PTPRT: variants seen among roughly 807,000 people sequenced by gnomAD.
PTPRT encodes the protein protein tyrosine phosphatase receptor type T.
In PTPRT, 56 loss-of-function variants were observed where a neutral mutation model predicts 176.8. That is an observed-to-expected ratio of 0.32 (90% CI 0.26 to 0.40). PTPRT has a LOEUF of 0.40. PTPRT is among the 10% of genes least tolerant of loss of function. The pLI is 1.00. For missense variants in PTPRT, 1,540 were observed against 1,908.2 expected (o/e 0.81, Z 3.60); for synonymous variants, 783 against 739.0 (o/e 1.06, Z -0.96).
At chr20:42,120,594 G>T (rs974428959) in intron 19 of PTPRT, among the ~76,000 whole-genome samples, 2 of 152,160 alleles carry the variant, frequency 1.3e-5, no homozygotes, top group Non-Finnish European at 2.9e-5. Context: ...TAATTTCTCT[G>T]TACATTTCAG....
rs1439987440 is a variant in PTPRT, at chr20:42,618,459, G to T, written c.1153+59407C>A. ...AGTTCTGTAGATGTCTATTAGGTCC[G>T]CTTGGTGCAGAGCTGAGTTCAATTC... On this transcript the variant is annotated intron_variant, in intron 7 of 30. Coordinates refer to ENST00000373187, the MANE Select transcript of PTPRT (RefSeq NM_007050.6). 3.0e-3 allele frequency among the ~76,000 whole-genome samples: 412 copies of T among 135,148 alleles called. 105 individuals are homozygous for T. The highest frequency in any genetic ancestry group is 0.028 in the Middle Eastern group (8 of 286). The allele number at this position is 135,148 out of a possible 152,430, so 88.7% of individuals were successfully genotyped here. A position where few individuals can be genotyped will look rare whatever the true frequency, so the allele number is the denominator to read the frequency against.
intron 7 of PTPRT, among the ~76,000 whole-genome samples, chr20:42,508,757 G>C (rs958763835): frequency 1.3e-5 from 2 of 151,566 alleles, no homozygotes; most frequent in South Asian, 2.1e-4. Context: ...CTCTAAACAG[G>C]TGAGCTATTA....
chr20:42,540,046 G>A lies in PTPRT; in HGVS notation c.1154-67484C>T, dbSNP rs118013033. Among the ~76,000 whole-genome samples the A allele has an allele frequency of 7.8e-3, 1,184 of 152,204 alleles. 11 individuals are homozygous for A. The highest frequency in any genetic ancestry group is 0.014 in the Middle Eastern group (4 of 294). ...GAATGAGTATTTCCAGAGTGAAACA[G>A]CCCACCATGTGCTCAACCAAATAAA... is the stretch of plus-strand genomic sequence containing the variant. On this transcript the variant is annotated intron_variant, in intron 7 of 30. Coordinates refer to ENST00000373187, the MANE Select transcript of PTPRT (RefSeq NM_007050.6).
At chr20:42,647,766 G>C (rs2074939669) in intron 7 of PTPRT, among the ~76,000 whole-genome samples, 1 of 152,312 alleles carries the variant, frequency 6.6e-6, no homozygotes, top group Middle Eastern at 3.4e-3. Context: ...GATACCGGCT[G>C]ACGCTCATTA....
chr20:42,908,384 G>A (rs1179188561), intron 1 of PTPRT, among the ~76,000 whole-genome samples: 1 of 152,044 alleles, frequency 6.6e-6, no homozygotes, highest in Non-Finnish European at 1.5e-5. Context: ...TCTGACATGA[G>A]AAAATAATTC....
At chr20:42,284,980 A>G (rs2057205350) in intron 12 of PTPRT, among the ~76,000 whole-genome samples, 1 of 151,834 alleles carries the variant, frequency 6.6e-6, no homozygotes, top group South Asian at 2.1e-4. Context: ...AAAAAGGAAA[A>G]TGGCTGAGAA....
At chr20:42,122,651 C>T (rs1987647134) in intron 19 of PTPRT, among the ~76,000 whole-genome samples, 1 of 152,226 alleles carries the variant, frequency 6.6e-6, no homozygotes, top group Non-Finnish European at 1.5e-5. Flanking sequence ...GCTGAGGCCA[C>T]AGCACCAACC....
intron 1 of PTPRT, among the ~76,000 whole-genome samples, chr20:43,181,777 G>C (rs1025716847): frequency 6.6e-6 from 1 of 152,032 alleles, no homozygotes; most frequent in African/African-American, 2.4e-5. Context: ...AAAGGGACTA[G>C]GGCTCTTTAA....
chr20:42,729,415 T>C (rs924511126), intron 6 of PTPRT, among the ~76,000 whole-genome samples: 1 of 152,240 alleles, frequency 6.6e-6, no homozygotes, highest in African/African-American at 2.4e-5. Context: ...TCAAGGCTTT[T>C]CTTTTCCACT....
At chr20:42,372,165 A>G (rs1352306970) in intron 9 of PTPRT, among the ~76,000 whole-genome samples, 1 of 151,978 alleles carries the variant, frequency 6.6e-6, no homozygotes, top group East Asian at 1.9e-4. Flanking sequence ...GCCCTTGGCT[A>G]TGTTTCCAAG....
intron 12 of PTPRT, among the ~76,000 whole-genome samples, chr20:42,300,777 T>TTATTA (rs1555818563): frequency 1.3e-5 from 2 of 149,126 alleles, no homozygotes; most frequent in African/African-American, 4.9e-5. Flanking sequence ...ATTATTATTA[T>TTATTA]TATTTATTAT....
chr20:42,258,820 C>A (rs777827805), intron 13 of PTPRT, among the ~76,000 whole-genome samples: 1 of 152,226 alleles, frequency 6.6e-6, no homozygotes, highest in Non-Finnish European at 1.5e-5. Flanking sequence ...TGTTAAGTAG[C>A]TGGAAAATAC....
chr20:43,027,441 A>G (rs1197173931), intron 1 of PTPRT, among the ~76,000 whole-genome samples: 1 of 148,420 alleles, frequency 6.7e-6, no homozygotes, highest in African/African-American at 2.5e-5. Context: ...GTGCCACTAC[A>G]CTCCAGCCTA....
chr20:42,039,705 A>ATATATATAT, the PTPRT span, among the ~76,000 whole-genome samples: 1 of 66,570 alleles, frequency 1.5e-5, no homozygotes, highest in Non-Finnish European at 4.1e-5. Flanking sequence ...TATATATAGT[A>ATATATATAT]ATGTATATTC....
At chr20:42,487,514 G>C (rs1236091236) in intron 7 of PTPRT, among the ~76,000 whole-genome samples, 1 of 152,176 alleles carries the variant, frequency 6.6e-6, no homozygotes, top group Non-Finnish European at 1.5e-5. Context: ...TAAGGATCTT[G>C]AACTGGGGAT....
intron 13 of PTPRT, among the ~76,000 whole-genome samples, chr20:42,258,678 A>T (rs529681683): frequency 1.3e-5 from 2 of 152,286 alleles, no homozygotes; most frequent in South Asian, 4.1e-4. Context: ...TTGATAATAG[A>T]GCACTTGAGA....
At chr20:42,769,130 C>T (rs532010691) in intron 5 of PTPRT, among the ~76,000 whole-genome samples, 1 of 152,310 alleles carries the variant, frequency 6.6e-6, no homozygotes, top group South Asian at 2.1e-4. Flanking sequence ...CTTATGCTCT[C>T]CTGTGGTCTG....
At chr20:42,488,138 A>G (rs1287132516) in intron 7 of PTPRT, among the ~76,000 whole-genome samples, 3 of 152,076 alleles carry the variant, frequency 2.0e-5, no homozygotes, top group East Asian at 3.9e-4. Flanking sequence ...TCATTTATCA[A>G]TCTGCTCCCC....
At chr20:42,174,182 G>GC (rs1990188599) in intron 16 of PTPRT, among the ~76,000 whole-genome samples, 1 of 152,112 alleles carries the variant, frequency 6.6e-6, no homozygotes, top group African/African-American at 2.4e-5. Flanking sequence ...GGCTTGTTAA[G>GC]ATAAATAGCA....
Sources: gnomAD v4.1 joint callset for allele counts (sites outside exome capture counted in the v4.1 genomes callset) on GRCh38, gnomAD v4.1.1 for gene constraint, MANE v1.5 for transcripts, NCBI Gene and HGNC (gene_info 2026-07-23, HGNC 2026-07-21) for gene names.